ELOVL2: variants seen among roughly 807,000 people sequenced by gnomAD.
ELOVL2 encodes the protein ELOVL fatty acid elongase 2, also known as very long chain fatty acid elongase 2.
ELOVL2 carries 38 observed loss-of-function variants against 37.7 expected under a neutral mutation model. That is an observed-to-expected ratio of 1.01 (90% confidence interval 0.78 to 1.32). ELOVL2 has a LOEUF of 1.32. ELOVL2 is among the 40% of genes most tolerant of loss of function. The pLI, the probability that ELOVL2 is intolerant of heterozygous loss-of-function variation, is 0.00. For missense variants in ELOVL2, 352 were observed against 363.6 expected, an observed-to-expected ratio of 0.97 and a Z score of 0.26; for synonymous variants, 115 against 122.3, an observed-to-expected ratio of 0.94 and a Z score of 0.40.
At chr6:11,029,242 A>AAAAAAAG in intron 1 of ELOVL2, among the ~76,000 whole-genome samples, 2 of 133,720 alleles carry the variant, frequency 1.5e-5, no homozygotes, top group Non-Finnish European at 3.1e-5. Context: ...AAAAAAAAAA[A>AAAAAAAG]AAAAAAGGTA....
At chr6:11,007,355 A>G (rs533909281) in intron 2 of ELOVL2, among the ~76,000 whole-genome samples, 11 of 152,330 alleles carry the variant, frequency 7.2e-5, no homozygotes, top group Non-Finnish European at 1.3e-4. Flanking sequence ...CCCTAAGCCA[A>G]TGACTAGTGT....
intron 1 of ELOVL2, among the ~76,000 whole-genome samples, chr6:11,034,573 C>T (rs1254305872): frequency 6.6e-6 from 1 of 152,000 alleles, no homozygotes; most frequent in Non-Finnish European, 1.5e-5. Flanking sequence ...TTCCCAGCTA[C>T]TATGGAGGCT....
At chr6:10,994,088 A>T (rs1247245483) in intron 5 of ELOVL2, among the ~76,000 whole-genome samples, 3 of 151,694 alleles carry the variant, frequency 2.0e-5, no homozygotes, top group Admixed American at 6.6e-5. Context: ...GCTTGAGCCC[A>T]GGAGGTTAAG....
intron 1 of ELOVL2, among the ~76,000 whole-genome samples, chr6:11,034,784 C>A (rs145665484): frequency 1.3e-5 from 2 of 152,072 alleles, no homozygotes; most frequent in Non-Finnish European, 2.9e-5. Context: ...GGGTGGATCA[C>A]CTGAGGTCCG....
intron 1 of ELOVL2, among the ~76,000 whole-genome samples, chr6:11,032,713 C>A (rs1782948779): frequency 6.6e-6 from 1 of 152,174 alleles, no homozygotes; most frequent in African/African-American, 2.4e-5. Flanking sequence ...CTGCAGGTAC[C>A]TTTCTAGTGC....
chr6:10,992,658 G>A (rs908064979), intron 5 of ELOVL2, among the ~76,000 whole-genome samples: 4 of 150,966 alleles, frequency 2.6e-5, no homozygotes, highest in African/African-American at 7.3e-5. Context: ...GCGTAGTGGC[G>A]CACGCCTGTA....
At chr6:11,029,902 T>A (rs1782896820) in intron 1 of ELOVL2, among the ~76,000 whole-genome samples, 1 of 152,228 alleles carries the variant, frequency 6.6e-6, no homozygotes. Context: ...AAAAATGCTC[T>A]CCTTATTCCT....
intron 1 of ELOVL2, among the ~76,000 whole-genome samples, chr6:11,041,830 A>G (rs1783102248): frequency 6.6e-6 from 1 of 152,222 alleles, no homozygotes; most frequent in South Asian, 2.1e-4. Context: ...ATTATAGAAA[A>G]ACAAAAGGAA....
rs374486290 is a variant in ELOVL2, at chr6:10,995,113, G to A, written c.399C>T (p.Phe133=). Residue 133 remains phenylalanine (F), a synonymous_variant, in exon 5 of 8, where the codon TTC becomes TTT. Transcript: ENST00000354666. ...TCTGACTCGTTTTTTTCCGCAAAAC[G>A]AAGAAAATTGTGTCCAGGAACTCTA... ...KSVEFLDTIF[F]VLRKKTSQIT... 24 of 1,613,070 alleles carry A rather than the reference G, an allele frequency of 1.5e-5. No homozygotes were observed. The highest frequency in any genetic ancestry group is 1.0e-4 in the Admixed American group (6 of 59,930).
intron 2 of ELOVL2, among the ~76,000 whole-genome samples, chr6:11,007,697 C>T (rs1243846632): frequency 6.6e-6 from 1 of 152,140 alleles, no homozygotes; most frequent in East Asian, 1.9e-4. Flanking sequence ...CCAGTAGTTT[C>T]AGATGTGCTG....
intron 2 of ELOVL2, among the ~76,000 whole-genome samples, chr6:11,007,219 A>C (rs113919811): frequency 0.019 from 2,829 of 152,316 alleles, 83 homozygotes; most frequent in African/African-American, 0.064. Flanking sequence ...GTTAGACTGA[A>C]TTGTGTCCCC....
rs547445375 is a variant in ELOVL2 at position 10,982,047 on chromosome 6, C to T, written c.*1734G>A. 3 of 152,304 alleles carry T rather than the reference C, an allele frequency of 2.0e-5. No individual in the cohort carries two copies. Among genetic ancestry groups the T allele is most frequent in the East Asian group, 3.9e-4 (2 of 5,188 alleles). 9.4% of individuals were successfully genotyped at this position (152,304 alleles called of 1,614,324 possible). ...GATGAAGCACCCTAGAGCAAGTCAG[C>T]TTCAGAAAATGATTTAGAAAGATAA... is the stretch of plus-strand genomic sequence containing the variant. On this transcript the variant is annotated 3_prime_UTR_variant, in exon 8 of 8. Transcript: ENST00000354666.
At chr6:11,041,925 T>C (rs1438266125) in intron 1 of ELOVL2, among the ~76,000 whole-genome samples, 1 of 152,148 alleles carries the variant, frequency 6.6e-6, no homozygotes, top group African/African-American at 2.4e-5. Context: ...GGACATGTAT[T>C]GAAAAGGATG....
chr6:11,023,618 T>C (rs1332171703), intron 1 of ELOVL2, among the ~76,000 whole-genome samples: 2 of 152,226 alleles, frequency 1.3e-5, no homozygotes, highest in Non-Finnish European at 2.9e-5. Context: ...TTTTAAGCTA[T>C]AAAACCAACC....
At chr6:10,993,044 TAA>T (rs1295165907) in intron 5 of ELOVL2, among the ~76,000 whole-genome samples, 4 of 152,106 alleles carry the variant, frequency 2.6e-5, no homozygotes, top group Non-Finnish European at 5.9e-5. Context: ...TTTTAAAAAA[TAA>T]AAGTGTGCTT....
At chr6:11,021,461 T>G (rs1403119432) in intron 1 of ELOVL2, among the ~76,000 whole-genome samples, 1 of 152,212 alleles carries the variant, frequency 6.6e-6, no homozygotes, top group Non-Finnish European at 1.5e-5. Flanking sequence ...ACAACACTCT[T>G]CTTCAGGTTC....
intron 1 of ELOVL2, among the ~76,000 whole-genome samples, chr6:11,041,990 A>G (rs1783104428): frequency 7.9e-6 from 1 of 126,824 alleles, no homozygotes; most frequent in African/African-American, 3.4e-5. Flanking sequence ...TAACTTTCCT[A>G]CTCCCTGCCC....
At chr6:10,990,545 G>T in intron 5 of ELOVL2, 103 bp from the exon 6 acceptor site, 3 of 1,119,706 alleles carry the variant, frequency 2.7e-6, no homozygotes, top group Non-Finnish European at 3.7e-6. Context: ...AAAATGAGTA[G>T]CACATATGAC....
chr6:10,999,380 CTT>C (rs34899380), intron 4 of ELOVL2, among the ~76,000 whole-genome samples: 9 of 142,452 alleles, frequency 6.3e-5, no homozygotes, highest in South Asian at 2.3e-4. Flanking sequence ...AAAGGAAATG[CTT>C]TTTTTTTTTT....
Sources: gnomAD v4.1 joint callset for allele counts (sites outside exome capture counted in the v4.1 genomes callset) on GRCh38, gnomAD v4.1.1 for gene constraint, MANE v1.5 for transcripts, NCBI Gene and HGNC (gene_info 2026-07-23, HGNC 2026-07-21) for gene names.